The following NFKBIA variants were observed in gnomAD, a reference collection of about 807,000 sequenced individuals.
NFKBIA encodes the protein NF-kappa-B inhibitor alpha.
NFKBIA carries 10 observed loss-of-function variants against 36.3 expected under a neutral mutation model. The observed-to-expected ratio is 0.28, with a 90% CI of 0.17 to 0.47. The LOEUF is 0.47. NFKBIA is among the 20% of genes least tolerant of loss of function. The pLI, the probability that NFKBIA is intolerant of heterozygous loss-of-function variation, is 0.99. For missense variants in NFKBIA, 355 were observed against 399.3 expected (o/e 0.89, Z 0.94); for synonymous variants, 205 against 164.4 (o/e 1.25, Z -1.89).
intron 5 of NFKBIA, 86 bp from the exon 6 acceptor site, chr14:35,402,146 T>C (rs1204724027): frequency 3.3e-6 from 5 of 1,514,356 alleles, no homozygotes; most frequent in Non-Finnish European, 4.6e-6. Context: ...CTACTGGAAA[T>C]AACTCTTGGA....
intron 2 of NFKBIA, 121 bp from the exon 3 acceptor site, chr14:35,403,481 T>C: frequency 1.8e-6 from 2 of 1,126,900 alleles, no homozygotes; most frequent in Non-Finnish European, 2.6e-6. Flanking sequence ...TGGGGAGGGC[T>C]GGCAAATAGC....
rs919828562 is a variant in NFKBIA, at chr14:35,404,671, G to A, written c.-27C>T. The A allele has an allele frequency of 7.0e-7, 1 of 1,434,306 alleles. No homozygotes were observed. The highest frequency in any genetic ancestry group is 2.6e-5 in the Admixed American group (1 of 38,776). The allele number at this position is 1,434,306 out of a possible 1,614,324, so 88.8% of individuals were successfully genotyped here. ...GCGCGGACGAGCTGCGGGCGCTGCTGCGGGTGCGCTGGGCCGCGGGCTGCG... is the reference window on the plus strand; with the variant it reads ...GCGCGGACGAGCTGCGGGCGCTGCTACGGGTGCGCTGGGCCGCGGGCTGCG... On this transcript the variant is annotated 5_prime_UTR_variant, in exon 1 of 6. Transcript: ENST00000216797.
intron 1 of NFKBIA, 102 bp downstream of exon 1, chr14:35,404,316 G>T: frequency 3.6e-6 from 3 of 842,498 alleles, no homozygotes; most frequent in Middle Eastern, 4.0e-4. Flanking sequence ...CGGCTGCATC[G>T]CTGGTCCCCC....
chr14:35,404,141 C>A, intron 1 of NFKBIA: 2 of 374,398 alleles, frequency 5.3e-6, no homozygotes, highest in Non-Finnish European at 4.9e-6. Context: ...TGCCGCCCCG[C>A]CCCCGGCCTA....
intron 2 of NFKBIA, 106 bp from the exon 3 acceptor site, chr14:35,403,466 G>T (rs1012441841): frequency 1.6e-6 from 2 of 1,289,522 alleles, no homozygotes; most frequent in East Asian, 2.4e-5. Flanking sequence ...TCCTAGACAG[G>T]GGGGTGGGGA....
chr14:35,402,922 C>A, intron 3 of NFKBIA, 63 bp from the exon 4 acceptor site: 1 of 1,491,904 alleles, frequency 6.7e-7, no homozygotes, highest in South Asian at 1.1e-5. Context: ...TTCACCTATT[C>A]TTTTATGGAA....
chr14:35,401,704 A>G lies in NFKBIA; in HGVS notation c.*309T>C. Reference sequence around the variant, plus strand: ...GATACCACTGGGGTCAGTCACTCGAAGCACAATAAATATAAAATGTGGTCC... The same window carrying G: ...GATACCACTGGGGTCAGTCACTCGAGGCACAATAAATATAAAATGTGGTCC... On this transcript the variant is annotated 3_prime_UTR_variant, in exon 6 of 6. Transcript: ENST00000216797. The G allele has an allele frequency of 2.1e-6, 1 of 471,620 alleles. No individual in the cohort carries two copies. Among genetic ancestry groups the G allele is most frequent in the Non-Finnish European group, 3.8e-6 (1 of 261,236 alleles). The allele number at this position is 471,620 out of a possible 1,614,324, so 29.2% of individuals were successfully genotyped here.
chr14:35,403,810 A>C lies in NFKBIA; in HGVS notation c.228-12T>G. 1 of 1,604,346 alleles carries C rather than the reference A, an allele frequency of 6.2e-7. No homozygotes were observed. Among genetic ancestry groups the C allele is most frequent in the Non-Finnish European group, 8.5e-7 (1 of 1,172,752 alleles). On this transcript the variant is annotated splice_polypyrimidine_tract_variant and intron_variant, in intron 1 of 5. Transcript: ENST00000216797. The stretch of plus-strand genomic sequence containing the variant: ...CCAAGTGCAGGAACCTGTGGGGAAG[A>C]GAGGGAAAAACCCCAGGGGTGGTGA...
At chr14:35,402,371 G>A (rs1476549144) in intron 5 of NFKBIA, 23 bp downstream of exon 5, 16 of 1,613,782 alleles carry the variant, frequency 9.9e-6, no homozygotes, top group Admixed American at 1.7e-5. Flanking sequence ...TAGTTAGAGC[G>A]CCGAAGGAGT....
rs2138832168 is a variant in NFKBIA at position 35,403,344 on chromosome 14, G to A, written c.353C>T (p.Ala118Val). Residue 118 changes from alanine to valine, a missense_variant, in exon 3 of 6, where the codon GCT becomes GTT. Coordinates refer to ENST00000216797, the MANE Select transcript of NFKBIA (RefSeq NM_020529.3). The part of the protein sequence containing the change: ...NNLQQTPLHL[A>V]VITNQPEIAE... ...AATTTCTGGCTGGTTGGTGATCACAGCCAAGTGGAGTGGAGTCTACGAATG... is the reference window on the plus strand; with the variant it reads ...AATTTCTGGCTGGTTGGTGATCACAACCAAGTGGAGTGGAGTCTACGAATG... 6.2e-7 allele frequency: 1 copy of A among 1,614,070 alleles called. No individual in the cohort carries two copies.
In NFKBIA at chr14:35,404,718, C is replaced by G. The variant is rs2052773187; in HGVS notation, c.-74G>C. On this transcript the variant is annotated 5_prime_UTR_variant, in exon 1 of 6. Transcript: ENST00000216797. ...TGCGCGCTGCTTCCTCGCTGGGGCG[C>G]TGGCGGGCGGGACGGCGGCACGGAC... 3.5e-6 allele frequency: 4 copies of G among 1,129,244 alleles called. No individual in the cohort carries two copies. The South Asian group carries it at 1.0e-4, about 29-fold the overall frequency. The allele number at this position is 1,129,244 out of a possible 1,614,324, so 70.0% of individuals were successfully genotyped here.
At chr14:35,402,319 C>T (rs1566589873) in intron 5 of NFKBIA, 75 bp downstream of exon 5, 2 of 1,558,392 alleles carry the variant, frequency 1.3e-6, no homozygotes, top group Admixed American at 1.7e-5. Context: ...TGATAAGGAG[C>T]AGCTCTAGGG....
At chr14:35,404,390 C>T (rs1238982726) in intron 1 of NFKBIA, 28 bp downstream of exon 1, 3 of 1,382,476 alleles carry the variant, frequency 2.2e-6, no homozygotes, top group Admixed American at 2.0e-5. Flanking sequence ...CTCCCGACGA[C>T]CCCCAGCCCC....
intron 2 of NFKBIA, 137 bp downstream of exon 2, chr14:35,403,553 G>A (rs989941413): frequency 1.5e-5 from 13 of 857,440 alleles, no homozygotes; most frequent in Non-Finnish European, 2.1e-5. Context: ...CACTCTCTAG[G>A]ATGTGGGCTG....
Position 35,402,523 on chromosome 14 carries a change from G to T in NFKBIA, c.777C>A (p.Gly259=), listed in dbSNP as rs1566590004. Residue 259 remains glycine, a synonymous_variant, in exon 5 of 6, where the codon GGC becomes GGA. Coordinates refer to ENST00000216797, the MANE Select transcript of NFKBIA (RefSeq NM_020529.3). ...QGYSPYQLTW[G]RPSTRIQQQL... Reference sequence around the variant, plus strand: ...GCTGCTGTATCCGGGTGCTTGGGCGGCCCCAGGTGAGCTGGTAGGGAGAAT... The same window carrying T: ...GCTGCTGTATCCGGGTGCTTGGGCGTCCCCAGGTGAGCTGGTAGGGAGAAT... 6.2e-7 allele frequency: 1 copy of T among 1,614,210 alleles called. No individual in the cohort carries two copies.
intron 5 of NFKBIA, 35 bp from the exon 6 acceptor site, chr14:35,402,095 C>A: frequency 7.4e-6 from 12 of 1,613,734 alleles, no homozygotes; most frequent in Non-Finnish European, 1.0e-5. Context: ...CGTTAAGCTT[C>A]CGGAGCGGAG....
At chr14:35,403,896 C>T (rs898228388) in intron 1 of NFKBIA, 98 bp from the exon 2 acceptor site, 1 of 879,364 alleles carries the variant, frequency 1.1e-6, no homozygotes. Flanking sequence ...GCCGGGGTTT[C>T]TGGAGGCCGA....
Position 35,403,369 on chromosome 14 carries a change from G to T in NFKBIA, c.337-9C>A. ...GCCAAGTGGAGTGGAGTCTACGAAT[G>T]CAAGAGAGACCAGAGAAAGTAAGCC... is the stretch of plus-strand genomic sequence containing the variant. On this transcript the variant is annotated splice_polypyrimidine_tract_variant and intron_variant, in intron 2 of 5. Transcript: ENST00000216797. 1 of 1,613,738 alleles carries T rather than the reference G, an allele frequency of 6.2e-7. No individual in the cohort carries two copies. Among genetic ancestry groups the T allele is most frequent in the Admixed American group, 1.7e-5 (1 of 60,014 alleles).
chr14:35,404,710 C>T lies in NFKBIA; in HGVS notation c.-66G>A, dbSNP rs2273651. 2,275 of 1,172,732 alleles carry T rather than the reference C, an allele frequency of 1.9e-3. 38 individuals carry two copies. The Admixed American group carries it at 0.034, about 18-fold the overall frequency. 72.6% of individuals were successfully genotyped at this position (1,172,732 alleles called of 1,614,324 possible). ...CCGCGGGCTGCGCGCTGCTTCCTCG[C>T]TGGGGCGCTGGCGGGCGGGACGGCG... is the stretch of plus-strand genomic sequence containing the variant. On this transcript the variant is annotated 5_prime_UTR_variant, in exon 1 of 6. Coordinates refer to ENST00000216797, the MANE Select transcript of NFKBIA (RefSeq NM_020529.3).
Sources: gnomAD v4.1 joint callset for allele counts on GRCh38, gnomAD v4.1.1 for gene constraint, MANE v1.5 for transcripts, NCBI Gene and HGNC (gene_info 2026-07-23, HGNC 2026-07-21) for gene names.